Variants in KHDRBS2 observed in about 807,000 individuals in gnomAD.
KHDRBS2 encodes KH domain-containing, RNA-binding, signal transduction-associated protein 2.
A neutral mutation model predicts 44.3 loss-of-function variants in KHDRBS2; 26 were observed. The observed-to-expected ratio is 0.59, with a 90% CI of 0.43 to 0.81. The LOEUF (loss-of-function observed/expected upper bound fraction) is 0.81, where lower values mean the gene tolerates loss of function less well. Among genes scored for constraint, KHDRBS2 ranks in the 40% least tolerant of loss-of-function variants. The pLI is 0.00. For missense variants in KHDRBS2, 476 were observed against 433.1 expected, an observed-to-expected ratio of 1.10 and a Z score of -0.88; for synonymous variants, 194 against 151.1, an observed-to-expected ratio of 1.28 and a Z score of -2.08.
At chr6:61,708,352 C>T (rs895138929) in intron 7 of KHDRBS2, among the ~76,000 whole-genome samples, 6 of 151,506 alleles carry the variant, frequency 4.0e-5, no homozygotes, top group Admixed American at 2.0e-4. Context: ...ATTTTGTGTA[C>T]TAAAAAATAT....
At chr6:61,865,995 G>T (rs113582515) in intron 6 of KHDRBS2, among the ~76,000 whole-genome samples, 16 of 152,308 alleles carry the variant, frequency 1.1e-4, no homozygotes, top group African/African-American at 3.6e-4. Context: ...ACTAACTGGC[G>T]TTGTGTGTCT....
the KHDRBS2 span, among the ~76,000 whole-genome samples, chr6:61,567,676 T>A: frequency 1.3e-5 from 2 of 148,534 alleles, no homozygotes; most frequent in Non-Finnish European, 3.0e-5. Context: ...AGGATTTTTT[T>A]CTTTCTCTCC....
the KHDRBS2 span, among the ~76,000 whole-genome samples, chr6:61,590,125 AT>A: frequency 3.3e-5 from 5 of 151,988 alleles, no homozygotes; most frequent in East Asian, 1.9e-4. Context: ...GTTTTTGCCC[AT>A]TTTTTTTGCA....
At chr6:62,165,298 G>A (rs1269848086) in intron 2 of KHDRBS2, among the ~76,000 whole-genome samples, 2 of 146,232 alleles carry the variant, frequency 1.4e-5, no homozygotes, top group Non-Finnish European at 3.0e-5. Flanking sequence ...ATTTTAATTA[G>A]ACACAGAATT....
chr6:61,682,445 C>T (rs908585357), intron 8 of KHDRBS2, among the ~76,000 whole-genome samples: 3 of 151,774 alleles, frequency 2.0e-5, no homozygotes, highest in Admixed American at 1.3e-4. Context: ...GTTCCCATTG[C>T]TCAAAATACA....
At chr6:61,910,139 A>G (rs539077080) in intron 4 of KHDRBS2, among the ~76,000 whole-genome samples, 2 of 152,348 alleles carry the variant, frequency 1.3e-5, no homozygotes, top group South Asian at 2.1e-4. Context: ...GTCCTGCACA[A>G]TATCAGACTT....
intron 6 of KHDRBS2, among the ~76,000 whole-genome samples, chr6:61,738,910 T>C (rs1412278351): frequency 6.6e-6 from 1 of 151,900 alleles, no homozygotes; most frequent in Non-Finnish European, 1.5e-5. Context: ...AATTACCTAT[T>C]ATCCAGGCAT....
chr6:61,745,829 G>GTAAAA (rs906034859), intron 6 of KHDRBS2, among the ~76,000 whole-genome samples: 1 of 152,016 alleles, frequency 6.6e-6, no homozygotes, highest in Non-Finnish European at 1.5e-5. Flanking sequence ...GCTGCTGTGT[G>GTAAAA]TAAAATAAAA....
the KHDRBS2 span, among the ~76,000 whole-genome samples, chr6:61,543,329 G>T: frequency 1.3e-5 from 2 of 151,802 alleles, no homozygotes; most frequent in African/African-American, 4.8e-5. Flanking sequence ...TCAGAAGAAG[G>T]CATACAAGTG....
Position 62,098,531 on chromosome 6 carries a change from G to A in KHDRBS2, c.220-50537C>T, listed in dbSNP as rs191272692. On this transcript the variant is annotated intron_variant, in intron 2 of 8. Coordinates refer to ENST00000281156, the MANE Select transcript of KHDRBS2 (RefSeq NM_152688.4). ...AGCTGCCAGGCAATTTGGAACTTCC[G>A]TATTAAATATTTGCTTCTTTTCTCT... Among the ~76,000 whole-genome samples, 275 of 152,092 alleles carry A rather than the reference G, an allele frequency of 1.8e-3. 10 individuals are homozygous for A. The South Asian group carries it at 0.052, about 29-fold the overall frequency.
chr6:62,066,677 C>T lies in KHDRBS2; in HGVS notation c.220-18683G>A, dbSNP rs144813406. ...TATGTTTGATAAGGACAAATTAATC[C>T]ATTAAGAGGGGCTTATTGAGCATAC... On this transcript the variant is annotated intron_variant, in intron 2 of 8. Transcript: ENST00000281156. 3.3e-5 allele frequency among the ~76,000 whole-genome samples: 5 copies of T among 151,560 alleles called. 1 individual carries two copies. The highest frequency in any genetic ancestry group is 1.2e-4 in the African/African-American group (5 of 41,444).
intron 1 of KHDRBS2, among the ~76,000 whole-genome samples, chr6:62,195,168 T>G (rs1825422475): frequency 6.6e-6 from 1 of 152,198 alleles, no homozygotes. Flanking sequence ...CATTTCTAAG[T>G]ATTTTCTCCT....
intron 1 of KHDRBS2, among the ~76,000 whole-genome samples, chr6:62,248,890 G>C (rs576708385): frequency 1.3e-5 from 2 of 152,070 alleles, no homozygotes; most frequent in South Asian, 2.1e-4. Flanking sequence ...AACTGTGCTC[G>C]AAAGACAATG....
the KHDRBS2 span, among the ~76,000 whole-genome samples, chr6:61,626,201 T>C: frequency 6.6e-6 from 1 of 152,202 alleles, no homozygotes; most frequent in Non-Finnish European, 1.5e-5. Flanking sequence ...ATAGCCTAAA[T>C]AGCAATATAT....
chr6:61,904,987 C>A (rs1282913582), intron 4 of KHDRBS2, among the ~76,000 whole-genome samples: 2 of 152,156 alleles, frequency 1.3e-5, no homozygotes, highest in Non-Finnish European at 2.9e-5. Context: ...CTATCCCATT[C>A]AACATACTTT....
the KHDRBS2 span, among the ~76,000 whole-genome samples, chr6:61,636,283 T>G: frequency 1.3e-5 from 2 of 152,218 alleles, no homozygotes; most frequent in Admixed American, 1.3e-4. Flanking sequence ...TTCTATTTAC[T>G]GTATCAGGTT....
At chr6:61,862,478 T>A (rs1380650621) in intron 6 of KHDRBS2, among the ~76,000 whole-genome samples, 1 of 152,150 alleles carries the variant, frequency 6.6e-6, no homozygotes, top group East Asian at 1.9e-4. Flanking sequence ...CTCTTCTTAC[T>A]TTGAGGTATC....
the KHDRBS2 span, among the ~76,000 whole-genome samples, chr6:61,624,695 C>G: frequency 5.3e-4 from 81 of 152,068 alleles, no homozygotes; most frequent in African/African-American, 2.0e-3. Context: ...TCTATGGCAC[C>G]GCTGGAGTGA....
the KHDRBS2 span, among the ~76,000 whole-genome samples, chr6:61,551,416 C>A: frequency 7.1e-3 from 1,082 of 152,134 alleles, 19 homozygotes; most frequent in African/African-American, 0.023. Context: ...TTGCTTTTGG[C>A]ATCATTGTCA....
Sources: allele counts gnomAD v4.1 joint callset (sites outside exome capture counted in the v4.1 genomes callset), GRCh38; gene constraint gnomAD v4.1.1; transcripts MANE v1.5; gene names NCBI Gene and HGNC (gene_info 2026-07-23, HGNC 2026-07-21).